Variants in CACNA1E observed in about 807,000 individuals in gnomAD.
The protein encoded by CACNA1E is calcium voltage-gated channel subunit alpha1 E.
In CACNA1E, 40 loss-of-function variants were observed where a neutral mutation model predicts 259.2. The observed-to-expected ratio is 0.15, with a 90% confidence interval of 0.12 to 0.20. The LOEUF is 0.20. CACNA1E is among the 10% of genes least tolerant of loss of function. The probability of loss-of-function intolerance (pLI) is 1.00; values close to 1 mark genes in which losing one functional copy is unlikely to be tolerated. For synonymous variants in CACNA1E, 1,104 were observed against 1,138.5 expected, an observed-to-expected ratio of 0.97 and a Z score of 0.61; for missense variants, 1,874 against 3,040.1, an observed-to-expected ratio of 0.62 and a Z score of 9.02.
chr1:181,694,115 G>GAA (rs1364387796), intron 7 of CACNA1E, among the ~76,000 whole-genome samples: 1 of 152,144 alleles, frequency 6.6e-6, no homozygotes, highest in African/African-American at 2.4e-5. Flanking sequence ...AAATTTCCTT[G>GAA]AAAATATTAT....
At chr1:181,786,256 G>T (rs1660835956) in intron 43 of CACNA1E, among the ~76,000 whole-genome samples, 1 of 152,146 alleles carries the variant, frequency 6.6e-6, no homozygotes, top group Admixed American at 6.5e-5. Flanking sequence ...TTTCCCTGAG[G>T]TTGACACTTA....
chr1:181,381,457 T>C (rs1486737596), intron 1 of CACNA1E, among the ~76,000 whole-genome samples: 1 of 152,188 alleles, frequency 6.6e-6, no homozygotes, highest in East Asian at 1.9e-4. Flanking sequence ...TTCACATTAA[T>C]ATATAGTGAC....
At chr1:181,543,761 G>A (rs779993605) in intron 3 of CACNA1E, among the ~76,000 whole-genome samples, 1 of 152,068 alleles carries the variant, frequency 6.6e-6, no homozygotes, top group African/African-American at 2.4e-5. Flanking sequence ...TAGCCATTAG[G>A]GAAATGCAAA....
chr1:181,725,481 G>A lies in CACNA1E; in HGVS notation c.2143-584G>A, dbSNP rs150482916. On this transcript the variant is annotated intron_variant, in intron 17 of 47. Coordinates refer to ENST00000367573, the MANE Select transcript of CACNA1E (RefSeq NM_001205293.3). ...GAAAACCATAGCATGCTCTGAAGAT[G>A]TATGTGCTCTTATTAGCTCTAGTCA... is the stretch of plus-strand genomic sequence containing the variant. 2.5e-3 allele frequency among the ~76,000 whole-genome samples: 379 copies of A among 152,346 alleles called. 4 individuals are homozygous for A. Among genetic ancestry groups the A allele is most frequent in the African/African-American group, 8.7e-3 (363 of 41,590 alleles).
At chr1:181,428,271 A>G (rs1659452680) in intron 2 of CACNA1E, among the ~76,000 whole-genome samples, 1 of 152,166 alleles carries the variant, frequency 6.6e-6, no homozygotes. Context: ...CCGATGAATT[A>G]ATAATATGCC....
intron 6 of CACNA1E, among the ~76,000 whole-genome samples, chr1:181,608,261 G>C (rs1424249235): frequency 6.6e-6 from 1 of 152,146 alleles, no homozygotes; most frequent in East Asian, 1.9e-4. Flanking sequence ...TATTATTTGG[G>C]AAGACAGGGA....
chr1:181,779,607 C>G (rs552260975), intron 38 of CACNA1E: 4 of 357,868 alleles, frequency 1.1e-5, no homozygotes, highest in Non-Finnish European at 2.3e-5. Flanking sequence ...TCTCTGTCCT[C>G]TGCTCCACCA....
chr1:181,732,672 C>T lies in CACNA1E; in HGVS notation c.2586C>T (p.Asp862=), dbSNP rs1445505428. ...GGTCCCTCAAGGGGGATGGAGGGGA[C>T]CGATCCAGTGCCCTGGACAACCAGA... ...RGGSLKGDGG[D]RSSALDNQRT... The change falls in exon 20 of 48, where the codon GAC becomes GAT. Residue 862 remains aspartate (D), a synonymous_variant. Coordinates refer to ENST00000367573, the MANE Select transcript of CACNA1E (RefSeq NM_001205293.3). This position sits in a 1 kb window ranked among gnomAD's most constrained non-coding sequence, Gnocchi z 5.5. 1 of 1,523,768 alleles carries T rather than the reference C, an allele frequency of 6.6e-7. No individual in the cohort carries two copies. Among genetic ancestry groups the T allele is most frequent in the Admixed American group, 2.2e-5 (1 of 45,582 alleles). 94.4% of individuals were successfully genotyped at this position (1,523,768 alleles called of 1,614,324 possible).
At chr1:181,560,795 G>A (rs1276010525) in intron 3 of CACNA1E, among the ~76,000 whole-genome samples, 2 of 152,208 alleles carry the variant, frequency 1.3e-5, no homozygotes, top group African/African-American at 2.4e-5. Flanking sequence ...CATGTTCACA[G>A]CAGCATTATT....
At chr1:181,717,335 C>A in intron 11 of CACNA1E, 33 bp downstream of exon 11, 1 of 1,570,620 alleles carries the variant, frequency 6.4e-7, no homozygotes, top group Non-Finnish European at 8.8e-7. Flanking sequence ...GCCTCCTCTG[C>A]TGGTCCCCAT....
intron 3 of CACNA1E, among the ~76,000 whole-genome samples, chr1:181,577,117 A>G (rs1271499728): frequency 6.6e-6 from 1 of 152,234 alleles, no homozygotes; most frequent in East Asian, 1.9e-4. Context: ...TAATAGAATT[A>G]TGGATTTGTA....
chr1:181,674,394 CAAAAAAAAAAA>C (rs10711497), intron 7 of CACNA1E, among the ~76,000 whole-genome samples: 10 of 43,566 alleles, frequency 2.3e-4, no homozygotes, highest in African/African-American at 7.1e-4. Context: ...GACTCCATCT[CAAAAAAAAAAA>C]AAAAAAAAAA....
intron 1 of CACNA1E, among the ~76,000 whole-genome samples, chr1:181,344,489 A>G (rs990673491): frequency 7.2e-5 from 11 of 152,190 alleles, no homozygotes; most frequent in African/African-American, 2.7e-4. Flanking sequence ...CAGGGTCTTG[A>G]AAGGTCACCA....
intron 1 of CACNA1E, among the ~76,000 whole-genome samples, chr1:181,347,953 C>G (rs971669691): frequency 2.6e-5 from 4 of 152,256 alleles, no homozygotes; most frequent in South Asian, 2.1e-4. Context: ...CACAGCAGCT[C>G]TCCTTGGGGC....
chr1:181,365,471 C>T (rs754642525), intron 1 of CACNA1E, among the ~76,000 whole-genome samples: 16 of 152,240 alleles, frequency 1.1e-4, no homozygotes, highest in East Asian at 1.9e-4. Flanking sequence ...TGCACCTGGC[C>T]GATCCTAGCC....
At chr1:181,603,518 CTG>C (rs1653937645) in intron 6 of CACNA1E, among the ~76,000 whole-genome samples, 1 of 152,128 alleles carries the variant, frequency 6.6e-6, no homozygotes, top group Non-Finnish European at 1.5e-5. Flanking sequence ...TGTGTGAACA[CTG>C]TAATTAGTAT....
chr1:181,349,929 A>C (rs987461519), intron 1 of CACNA1E, among the ~76,000 whole-genome samples: 3 of 152,176 alleles, frequency 2.0e-5, no homozygotes, highest in African/African-American at 7.2e-5. Flanking sequence ...CCTGGCGTGT[A>C]GTTGGCCTTT....
chr1:181,799,419 G>A lies in CACNA1E; in HGVS notation c.*585G>A, dbSNP rs1463429345. ...GCCAGGGAGGGAGGAGAAAGCCGAA[G>A]CGAAAGGGGTCAGGGTGCTGAGGCA... On this transcript the variant is annotated 3_prime_UTR_variant, in exon 48 of 48. Transcript: ENST00000367573. The A allele has an allele frequency of 6.5e-6, 1 of 153,208 alleles. No homozygotes were observed. The highest frequency in any genetic ancestry group is 1.9e-4 in the East Asian group (1 of 5,214). 9.5% of individuals were successfully genotyped at this position (153,208 alleles called of 1,614,324 possible).
At chr1:181,735,001 G>C (rs539014739) in intron 21 of CACNA1E, among the ~76,000 whole-genome samples, 2 of 152,332 alleles carry the variant, frequency 1.3e-5, no homozygotes, top group South Asian at 4.1e-4. Context: ...CAGGATTCCA[G>C]CCTTGCTGTT....
Sources: gnomAD v4.1 joint callset for allele counts (sites outside exome capture counted in the v4.1 genomes callset) on GRCh38, gnomAD v4.1.1 for gene constraint, Gnocchi (gnomAD v3.1) non-coding constraint, MANE v1.5 for transcripts, NCBI Gene and HGNC (gene_info 2026-07-23, HGNC 2026-07-21) for gene names.